The following ADRA1A variants were observed in gnomAD, a reference collection of about 807,000 sequenced individuals.
ADRA1A encodes the protein alpha-1A adrenergic receptor.
A neutral mutation model predicts 29.6 loss-of-function variants in ADRA1A; 31 were observed. The observed-to-expected ratio is 1.05, with a 90% CI of 0.79 to 1.41. The LOEUF (loss-of-function observed/expected upper bound fraction) is 1.41, where lower values mean the gene tolerates loss of function less well. ADRA1A is among the 40% of genes most tolerant of loss of function. The probability of loss-of-function intolerance (pLI) is 0.00; values close to 1 mark genes in which losing one functional copy is unlikely to be tolerated. For missense variants in ADRA1A, 619 were observed against 601.1 expected (o/e 1.03, Z -0.31); for synonymous variants, 311 against 254.3 (o/e 1.22, Z -2.12).
chr8:26,757,177 C>A, intron 2 of ADRA1A: 1 of 673,868 alleles, frequency 1.5e-6, no homozygotes, highest in East Asian at 2.9e-5. Flanking sequence ...AGAACCTCAT[C>A]CCCGAAAGTG....
intron 2 of ADRA1A, among the ~76,000 whole-genome samples, chr8:26,861,355 G>C (rs1364440202): frequency 6.8e-6 from 1 of 147,056 alleles, no homozygotes; most frequent in Non-Finnish European, 1.5e-5. Context: ...CCAGGCTGGA[G>C]TGCAGGCATG....
intron 2 of ADRA1A, among the ~76,000 whole-genome samples, chr8:26,818,725 G>C (rs1190961755): frequency 6.6e-6 from 1 of 152,016 alleles, no homozygotes; most frequent in Non-Finnish European, 1.5e-5. Context: ...CAGCAGACTT[G>C]ATCAAGGAGA....
downstream of ADRA1A, chr8:26,766,180 G>A (rs1805772022): frequency 1.4e-6 from 2 of 1,400,820 alleles, no homozygotes; most frequent in Non-Finnish European, 2.0e-6. Context: ...TTGGAATACA[G>A]GTGAGTGAGA....
At chr8:26,797,302 T>C (rs888371758) in intron 2 of ADRA1A, among the ~76,000 whole-genome samples, 10 of 152,072 alleles carry the variant, frequency 6.6e-5, no homozygotes, top group Admixed American at 3.9e-4. Context: ...TTTATTTTAT[T>C]TTATTTATAT....
chr8:26,824,475 A>C (rs893037301), intron 2 of ADRA1A, among the ~76,000 whole-genome samples: 4 of 152,184 alleles, frequency 2.6e-5, no homozygotes, highest in African/African-American at 9.7e-5. Context: ...GTGAGGATCG[A>C]ACAAGGTAAT....
At chr8:26,790,684 A>G (rs926052237) in intron 2 of ADRA1A, among the ~76,000 whole-genome samples, 1 of 152,204 alleles carries the variant, frequency 6.6e-6, no homozygotes, top group Non-Finnish European at 1.5e-5. Context: ...ACCACTATAC[A>G]TTATATATAT....
chr8:26,862,837 A>G (rs1405155305), intron 2 of ADRA1A, among the ~76,000 whole-genome samples: 1 of 152,258 alleles, frequency 6.6e-6, no homozygotes, highest in Non-Finnish European at 1.5e-5. Flanking sequence ...AACTGAAAGA[A>G]TTTTATTTAA....
chr8:26,861,076 A>G (rs34753393), intron 2 of ADRA1A, among the ~76,000 whole-genome samples: 96,920 of 151,860 alleles, frequency 0.64, 33,000 homozygotes, highest in South Asian at 0.76. Context: ...TCCTCCTATC[A>G]CTAAAAACCT....
At chr8:26,784,736 C>G (rs116404226) in intron 2 of ADRA1A, among the ~76,000 whole-genome samples, 207 of 152,208 alleles carry the variant, frequency 1.4e-3, no homozygotes, top group African/African-American at 4.5e-3. Context: ...CTCTATTTTC[C>G]TAAGTTTTTC....
intron 2 of ADRA1A, chr8:26,853,712 T>C (rs543840428): frequency 1.3e-5 from 2 of 152,102 alleles, no homozygotes; most frequent in Non-Finnish European, 2.9e-5. Flanking sequence ...AATACAAACA[T>C]GAATTCCAGG....
At chr8:26,753,514 G>A (rs1310010004), downstream of ADRA1A, among the ~76,000 whole-genome samples, 6 of 151,870 alleles carry the variant, frequency 4.0e-5, no homozygotes, top group African/African-American at 1.5e-4. Flanking sequence ...TGTTGTCTTT[G>A]GAAGGTAAAC....
At chr8:26,756,501 T>C (rs1805175335) in exon 3 of ADRA1A, 1 of 1,518,854 alleles carries the variant, frequency 6.6e-7, no homozygotes, top group Non-Finnish European at 8.8e-7. Context: ...TATTTGTCCC[T>C]GAAGGCTCTT....
chr8:26,846,162 G>A (rs1430150996), intron 2 of ADRA1A, among the ~76,000 whole-genome samples: 2 of 152,176 alleles, frequency 1.3e-5, no homozygotes, highest in Non-Finnish European at 2.9e-5. Flanking sequence ...AGACCTCAGG[G>A]TTTGTTTGGT....
In ADRA1A at chr8:26,770,616, A is replaced by G; in HGVS notation, c.934T>C (p.Phe312Leu). ...CAGCTGTTTAGATATCCGAGCCAAA[A>G]TACTATTTTAAAAACTGTTTCAGAG... ...KPSETVFKIV[F>L]WLGYLNSCIN... is the part of the protein sequence containing the mutation. The change falls in exon 3 of 3, where the codon TTT becomes CTT. Residue 312 changes from phenylalanine to leucine, a missense_variant. Transcript: ENST00000380573. 2 of 1,614,160 alleles carry G rather than the reference A, an allele frequency of 1.2e-6. No homozygotes were observed. Among genetic ancestry groups the G allele is most frequent in the Non-Finnish European group, 1.7e-6 (2 of 1,180,010 alleles).
downstream of ADRA1A, among the ~76,000 whole-genome samples, chr8:26,764,183 T>C (rs1251464100): frequency 6.6e-6 from 1 of 152,176 alleles, no homozygotes; most frequent in Non-Finnish European, 1.5e-5. Context: ...ACCCACAGGC[T>C]GACCGGGAAA....
At chr8:26,858,390 C>T (rs1813199330) in intron 2 of ADRA1A, among the ~76,000 whole-genome samples, 1 of 152,206 alleles carries the variant, frequency 6.6e-6, no homozygotes, top group African/African-American at 2.4e-5. Flanking sequence ...GCAACATCTG[C>T]ATGTTGACAT....
chr8:26,756,720 T>C, exon 3 of ADRA1A: 2 of 1,614,122 alleles, frequency 1.2e-6, no homozygotes, highest in Non-Finnish European at 1.7e-6. Context: ...TCCCCTTCCT[T>C]GGGCAGTAAG....
rs141529306 is a variant in ADRA1A, at chr8:26,832,600, G to A, written c.883+31487C>T. 8.5e-3 allele frequency among the ~76,000 whole-genome samples: 1,292 copies of A among 152,146 alleles called. 7 individuals are homozygous for A. Among genetic ancestry groups the A allele is most frequent in the Non-Finnish European group, 0.013 (881 of 68,004 alleles). On this transcript the variant is annotated intron_variant, in intron 2 of 2. Transcript: ENST00000380573. ...CACAAGAGATGAAGAGGGGTTAGTCGCTCCCAACAAACAAAAAAGAAAAGA... is the reference window on the plus strand; with the variant it reads ...CACAAGAGATGAAGAGGGGTTAGTCACTCCCAACAAACAAAAAAGAAAAGA...
rs1809005850 is a variant in ADRA1A at position 26,806,652 on chromosome 8, A to G, written c.884-35986T>C. 1.3e-5 allele frequency among the ~76,000 whole-genome samples: 2 copies of G among 152,182 alleles called. No individual in the cohort carries two copies. Among genetic ancestry groups the G allele is most frequent in the Admixed American group, 1.3e-4 (2 of 15,278 alleles). On this transcript the variant is annotated intron_variant, in intron 2 of 2. Transcript: ENST00000380573. This position sits in a 1 kb window ranked among gnomAD's most constrained non-coding sequence, Gnocchi z 4.6. Reference sequence around the variant, plus strand: ...TATAGCTTAGAATGGAACCTCTCTAATCGCCAGAGAGTCCGAGGTTTCTCC... The same window carrying G: ...TATAGCTTAGAATGGAACCTCTCTAGTCGCCAGAGAGTCCGAGGTTTCTCC...
Sources: allele counts gnomAD v4.1 joint callset (sites outside exome capture counted in the v4.1 genomes callset), GRCh38; gene constraint gnomAD v4.1.1; non-coding constraint Gnocchi (gnomAD v3.1); transcripts MANE v1.5; gene names NCBI Gene and HGNC (gene_info 2026-07-23, HGNC 2026-07-21).